FOXP2: variants seen among roughly 807,000 people sequenced by gnomAD.
The protein encoded by FOXP2 is forkhead box protein P2.
Under a neutral mutation model 115.8 loss-of-function variants are expected in FOXP2, and 12 were observed. The ratio of observed to expected loss-of-function variants is 0.10; its 90% CI spans 0.07 to 0.17. FOXP2 has a LOEUF of 0.17. Ranked by LOEUF, FOXP2 falls within the 10% of genes least tolerant of loss-of-function variation. The probability of loss-of-function intolerance (pLI) is 1.00; values close to 1 mark genes in which losing one functional copy is unlikely to be tolerated. For synonymous variants in FOXP2, 328 were observed against 297.7 expected (o/e 1.10, Z -1.05); for missense variants, 629 against 843.5 (o/e 0.75, Z 3.15).
chr7:114,650,264 A>G (rs1207703947), intron 8 of FOXP2, among the ~76,000 whole-genome samples: 1 of 152,126 alleles, frequency 6.6e-6, no homozygotes, highest in Non-Finnish European at 1.5e-5. Context: ...TCACAAGAAA[A>G]TGTTATAGTG....
intron 2 of FOXP2, among the ~76,000 whole-genome samples, chr7:114,494,117 CA>C (rs1427631931): frequency 1.3e-5 from 2 of 151,916 alleles, no homozygotes; most frequent in Non-Finnish European, 2.9e-5. Context: ...AAGAGATATA[CA>C]TATTTTACCA....
chr7:114,196,247 T>C (rs950296499), intron 1 of FOXP2, among the ~76,000 whole-genome samples: 9 of 151,954 alleles, frequency 5.9e-5, no homozygotes, highest in African/African-American at 2.2e-4. Flanking sequence ...CTTGACCTCG[T>C]GATTTGCCCA....
intron 2 of FOXP2, among the ~76,000 whole-genome samples, chr7:114,304,665 G>T (rs1796963660): frequency 1.4e-5 from 1 of 72,316 alleles, no homozygotes; most frequent in Non-Finnish European, 2.4e-5. Context: ...GTGAGACTCT[G>T]TCTCAAAAAA....
At chr7:114,474,577 C>T (rs1196640470) in intron 2 of FOXP2, among the ~76,000 whole-genome samples, 2 of 152,046 alleles carry the variant, frequency 1.3e-5, no homozygotes, top group Non-Finnish European at 1.5e-5. Flanking sequence ...ACTTTTAACC[C>T]AATTGAATAT....
chr7:114,343,792 G>T, intron 2 of FOXP2, among the ~76,000 whole-genome samples: 1 of 151,444 alleles, frequency 6.6e-6, no homozygotes, highest in East Asian at 1.9e-4. Context: ...CAACTGCCTG[G>T]CCATTTTACT....
intron 1 of FOXP2, among the ~76,000 whole-genome samples, chr7:114,250,470 T>A (rs1467597715): frequency 6.6e-6 from 1 of 152,196 alleles, no homozygotes; most frequent in Non-Finnish European, 1.5e-5. Flanking sequence ...GTTTCCTGAC[T>A]TTTTAATGAT....
intron 16 of FOXP2, among the ~76,000 whole-genome samples, chr7:114,684,758 A>G (rs886392886): frequency 6.6e-6 from 1 of 152,210 alleles, no homozygotes; most frequent in African/African-American, 2.4e-5. Context: ...CATTTTTTAT[A>G]AAAGTCATTA....
In FOXP2 at chr7:114,178,961, AC is replaced by A. The variant is rs574603544; in HGVS notation, c.-102+15874del. 1.5e-3 allele frequency among the ~76,000 whole-genome samples: 235 copies of A among 152,076 alleles called. 1 individual carries two copies. The highest frequency in any genetic ancestry group is 5.4e-3 in the African/African-American group (226 of 41,540). On this transcript the variant is annotated intron_variant, in intron 1 of 17. Coordinates refer to the FOXP2 transcript ENST00000634411. ...AACAAATGTATTTTGAATGAACAAAACACAGTCAAATATCAACTCAAAATTC... is the reference window on the plus strand; with the variant it reads ...AACAAATGTATTTTGAATGAACAAAAACAGTCAAATATCAACTCAAAATTC...
chr7:114,542,692 T>G (rs1197334640), intron 3 of FOXP2, among the ~76,000 whole-genome samples: 3 of 152,144 alleles, frequency 2.0e-5, no homozygotes, highest in Non-Finnish European at 4.4e-5. Flanking sequence ...TCTAAGATTG[T>G]GCTGATTGTG....
chr7:114,485,223 A>T (rs533637262), intron 2 of FOXP2, among the ~76,000 whole-genome samples: 1 of 151,928 alleles, frequency 6.6e-6, no homozygotes, highest in Non-Finnish European at 1.5e-5. Flanking sequence ...TGTTTTAGAA[A>T]ATTTTTTTAT....
At chr7:114,168,116 T>A (rs1793031380) in intron 1 of FOXP2, among the ~76,000 whole-genome samples, 1 of 152,114 alleles carries the variant, frequency 6.6e-6, no homozygotes, top group South Asian at 2.1e-4. Flanking sequence ...CAGTCTTGGG[T>A]ATGTCTTTAT....
intron 2 of FOXP2, among the ~76,000 whole-genome samples, chr7:114,429,941 C>G (rs1027789084): frequency 2.6e-5 from 4 of 151,560 alleles, no homozygotes; most frequent in African/African-American, 9.7e-5. Context: ...ATTTTGAAAT[C>G]TTTAACCCTG....
chr7:114,475,486 G>A (rs899528592), intron 2 of FOXP2, among the ~76,000 whole-genome samples: 12 of 152,068 alleles, frequency 7.9e-5, no homozygotes, highest in East Asian at 5.8e-4. Flanking sequence ...GCCCCTTTGC[G>A]TGATTCCATG....
chr7:114,611,435 ATTTAT>A (rs1475883378), intron 3 of FOXP2, among the ~76,000 whole-genome samples: 1 of 152,144 alleles, frequency 6.6e-6, no homozygotes, highest in African/African-American at 2.4e-5. Context: ...TTCTTCATTA[ATTTAT>A]TTTTCAAAAA....
intron 3 of FOXP2, among the ~76,000 whole-genome samples, chr7:114,556,271 C>T (rs2129289225): frequency 6.6e-6 from 1 of 152,212 alleles, no homozygotes; most frequent in East Asian, 1.9e-4. Flanking sequence ...ACAAGATAAG[C>T]TTCTGTATAT....
chr7:114,235,322 T>G (rs1325883058), intron 1 of FOXP2, among the ~76,000 whole-genome samples: 2 of 152,198 alleles, frequency 1.3e-5, no homozygotes, highest in Non-Finnish European at 2.9e-5. Flanking sequence ...TGTTACAGAT[T>G]ATATAATCTT....
chr7:114,480,447 G>GA (rs555049431), intron 2 of FOXP2, among the ~76,000 whole-genome samples: 5 of 150,616 alleles, frequency 3.3e-5, no homozygotes, highest in Non-Finnish European at 5.9e-5. Flanking sequence ...CTTTTATTCA[G>GA]AAAAAAAAGA....
intron 3 of FOXP2, among the ~76,000 whole-genome samples, chr7:114,563,672 G>A (rs975043797): frequency 6.6e-6 from 1 of 152,168 alleles, no homozygotes; most frequent in African/African-American, 2.4e-5. Flanking sequence ...GATTCTCAGG[G>A]CTTTATATTT....
intron 2 of FOXP2, among the ~76,000 whole-genome samples, chr7:114,325,185 C>G (rs1797525525): frequency 6.6e-6 from 1 of 151,798 alleles, no homozygotes; most frequent in Admixed American, 6.6e-5. Context: ...TGTTATTTTA[C>G]ATAATGTAGG....
Sources: allele counts gnomAD v4.1 joint callset (sites outside exome capture counted in the v4.1 genomes callset), GRCh38; gene constraint gnomAD v4.1.1; transcripts MANE v1.5; gene names NCBI Gene and HGNC (gene_info 2026-07-23, HGNC 2026-07-21).